FGD3: variants seen among roughly 807,000 people sequenced by gnomAD.
FGD3 encodes FYVE, RhoGEF and PH domain-containing protein 3.
FGD3 carries 45 observed loss-of-function variants against 71.8 expected under a neutral mutation model. That is an observed-to-expected ratio of 0.63 (90% CI 0.49 to 0.80). The LOEUF (loss-of-function observed/expected upper bound fraction) is 0.80, where lower values mean the gene tolerates loss of function less well. FGD3 is among the 30% of genes least tolerant of loss of function. The probability of loss-of-function intolerance (pLI) is 0.00; values close to 1 mark genes in which losing one functional copy is unlikely to be tolerated. For synonymous variants in FGD3, 378 were observed against 392.8 expected (o/e 0.96, Z 0.44); for missense variants, 844 against 951.5 (o/e 0.89, Z 1.49).
chr9:92,979,792 C>T (rs1012839390), intron 3 of FGD3, among the ~76,000 whole-genome samples: 1 of 152,110 alleles, frequency 6.6e-6, no homozygotes, highest in Non-Finnish European at 1.5e-5. Context: ...CTCATTATTG[C>T]TCTTTCAAAT....
chr9:93,008,123 G>A (rs780536410), intron 6 of FGD3, among the ~76,000 whole-genome samples: 2 of 152,158 alleles, frequency 1.3e-5, no homozygotes, highest in Non-Finnish European at 2.9e-5. Context: ...TTAACATTTT[G>A]TCTGGCTTAC....
chr9:92,995,932 T>A (rs977691870), intron 3 of FGD3, among the ~76,000 whole-genome samples: 3 of 151,998 alleles, frequency 2.0e-5, no homozygotes, highest in Non-Finnish European at 4.4e-5. Flanking sequence ...TGGTCTAAAA[T>A]TCTCTTTTTT....
intron 3 of FGD3, among the ~76,000 whole-genome samples, chr9:92,986,311 T>C (rs1860184540): frequency 6.6e-6 from 1 of 152,210 alleles, no homozygotes; most frequent in South Asian, 2.1e-4. Context: ...CCATCTCTCA[T>C]GTTCTTTAAG....
intron 3 of FGD3, among the ~76,000 whole-genome samples, chr9:92,999,967 T>G (rs1210337949): frequency 2.0e-5 from 3 of 152,204 alleles, no homozygotes; most frequent in Non-Finnish European, 2.9e-5. Flanking sequence ...GACCTACTAC[T>G]GCCATTTGGT....
rs55908030 is a variant in FGD3, at chr9:92,968,607, C to CTTTTT, written c.-217-6621_-217-6617dup. 6.3e-5 allele frequency among the ~76,000 whole-genome samples: 9 copies of CTTTTT among 143,050 alleles called. 1 individual carries two copies. Among genetic ancestry groups the CTTTTT allele is most frequent in the African/African-American group, 5.2e-5 (2 of 38,642 alleles). The allele number at this position is 143,050 out of a possible 152,430, so 93.8% of individuals were successfully genotyped here. On this transcript the variant is annotated intron_variant, in intron 1 of 17. Coordinates refer to ENST00000375482, the MANE Select transcript of FGD3 (RefSeq NM_001083536.2). ...GTTTTCTTTTCTTTTTTCTTTCTTT[C>CTTTTT]TTTTTTTTTTTTTTGACACGGAGTC...
chr9:93,008,733 G>T (rs1441502058), intron 6 of FGD3, among the ~76,000 whole-genome samples: 1 of 152,230 alleles, frequency 6.6e-6, no homozygotes. Flanking sequence ...GGAGGCCCAG[G>T]TGGGCGGATC....
In FGD3 at chr9:93,003,301, G is replaced by T. The variant is rs1456022877; in HGVS notation, c.543+287G>T. ...ATGCCACCACGCCCAGCTAATTTTT[G>T]TATTTATAGTAGAGACGGGGTTTCA... is the stretch of plus-strand genomic sequence containing the variant. On this transcript the variant is annotated intron_variant, in intron 4 of 17. Coordinates refer to ENST00000375482, the MANE Select transcript of FGD3 (RefSeq NM_001083536.2). The surrounding 1 kb of genome is among the most constrained non-coding windows in gnomAD (Gnocchi z 4.1). 6.6e-6 allele frequency among the ~76,000 whole-genome samples: 1 copy of T among 152,000 alleles called. No homozygotes were observed. Among genetic ancestry groups the T allele is most frequent in the Admixed American group, 6.6e-5 (1 of 15,246 alleles).
At chr9:93,023,719 G>A (rs139720127) in intron 14 of FGD3, among the ~76,000 whole-genome samples, 34 of 150,954 alleles carry the variant, frequency 2.3e-4, no homozygotes, top group African/African-American at 8.2e-4. Flanking sequence ...CTCTGTCCAA[G>A]TCTATGAAGC....
At position 93,028,995 on chromosome 9, in the gene FGD3, G is replaced by GTTTTTTTTTTTTTTTT. The variant is rs869235976; in HGVS notation, c.1558-852_1558-837dup. Among the ~76,000 whole-genome samples the GTTTTTTTTTTTTTTTT allele has an allele frequency of 9.7e-5, 5 of 51,716 alleles. 2 individuals are homozygous for GTTTTTTTTTTTTTTTT. Among genetic ancestry groups the GTTTTTTTTTTTTTTTT allele is most frequent in the Non-Finnish European group, 1.8e-4 (5 of 27,376 alleles). 33.9% of individuals were successfully genotyped at this position (51,716 alleles called of 152,430 possible). ...CATGGCTTCCTCACATGTCCTCACAGTTTTTTTTTTTTTTTTTTTTTTTTT... is the reference window on the plus strand; with the variant it reads ...CATGGCTTCCTCACATGTCCTCACAGTTTTTTTTTTTTTTTTTTTTTTTTTTTTTTTTTTTTTTTTT... On this transcript the variant is annotated intron_variant, in intron 14 of 17. Coordinates refer to ENST00000375482, the MANE Select transcript of FGD3 (RefSeq NM_001083536.2).
intron 3 of FGD3, among the ~76,000 whole-genome samples, chr9:92,999,211 T>A (rs538362662): frequency 6.6e-6 from 1 of 152,304 alleles, no homozygotes; most frequent in African/African-American, 2.4e-5. Context: ...GCCTTGCAGT[T>A]CAATCTCAGA....
At chr9:92,959,706 C>A (rs986175079) in intron 1 of FGD3, among the ~76,000 whole-genome samples, 653 of 79,930 alleles carry the variant, frequency 8.2e-3, no homozygotes, top group South Asian at 0.01. Context: ...AACTCAGTCT[C>A]AAAAAAAAAA....
intron 1 of FGD3, among the ~76,000 whole-genome samples, chr9:92,970,606 C>T (rs761094080): frequency 4.6e-5 from 7 of 152,206 alleles, no homozygotes; most frequent in Non-Finnish European, 1.0e-4. Context: ...ATCTGTTAGT[C>T]TCAAGCCTGC....
intron 11 of FGD3, 40 bp downstream of exon 11, chr9:93,018,255 A>G (rs1861781377): frequency 3.9e-6 from 6 of 1,549,010 alleles, no homozygotes; most frequent in Middle Eastern, 1.7e-4. Flanking sequence ...CTTTGACCTC[A>G]TGTCTTCTTT....
At chr9:93,027,899 T>G (rs538917257) in intron 14 of FGD3, among the ~76,000 whole-genome samples, 253 of 152,014 alleles carry the variant, frequency 1.7e-3, no homozygotes, top group African/African-American at 5.6e-3. Context: ...TTTGGATTTT[T>G]GTTGAGACGG....
chr9:93,009,763 G>A (rs1035194028), intron 6 of FGD3, among the ~76,000 whole-genome samples: 16 of 152,202 alleles, frequency 1.1e-4, no homozygotes, highest in African/African-American at 3.6e-4. Context: ...ATACTGGTGC[G>A]TTTATATCGA....
At chr9:93,009,553 C>G (rs538731855) in intron 6 of FGD3, among the ~76,000 whole-genome samples, 1 of 152,256 alleles carries the variant, frequency 6.6e-6, no homozygotes, top group East Asian at 1.9e-4. Flanking sequence ...GAGGCAGAGG[C>G]AAAGTGGCCT....
At position 93,034,675 on chromosome 9, in the gene FGD3, C is replaced by G; in HGVS notation, c.1920C>G (p.Gly640=). The change falls in exon 17 of 18, where the codon GGC becomes GGG. Residue 640 remains glycine (G), a synonymous_variant. Transcript: ENST00000375482. ...CCCAGGTGCTGCACCTGCAGGGAGG[C>G]AGCCAGGTACGTGTCCCCACCCCAC... ...SDPQVLHLQG[G]SQDGRLPRTI... 6.2e-7 allele frequency: 1 copy of G among 1,612,534 alleles called. No homozygotes were observed. The highest frequency in any genetic ancestry group is 1.3e-5 in the African/African-American group (1 of 74,988).
At position 92,956,834 on chromosome 9, in the gene FGD3, C is replaced by CTTTTTTTTTTTTT. The variant is rs34469364; in HGVS notation, c.-218+9108_-218+9109insTTTTTTTTTTTTT. 1.6e-5 allele frequency among the ~76,000 whole-genome samples: 2 copies of CTTTTTTTTTTTTT among 127,748 alleles called. 1 individual carries two copies. Among genetic ancestry groups the CTTTTTTTTTTTTT allele is most frequent in the African/African-American group, 6.3e-5 (2 of 31,618 alleles). The allele number at this position is 127,748 out of a possible 152,430, so 83.8% of individuals were successfully genotyped here. A position where few individuals can be genotyped will look rare whatever the true frequency, so the allele number is the denominator to read the frequency against. ...TGAGATCCATCCATATAATTGCTTT[C>CTTTTTTTTTTTTT]TTTCTTTTTTTTTTTTTTTTTGAAG... On this transcript the variant is annotated intron_variant, in intron 1 of 17. Transcript: ENST00000375482.
chr9:92,976,529 C>G lies in FGD3; in HGVS notation c.273C>G (p.Pro91=). The G allele has an allele frequency of 6.2e-7, 1 of 1,612,594 alleles. No homozygotes were observed. Among genetic ancestry groups the G allele is most frequent in the Non-Finnish European group, 8.5e-7 (1 of 1,179,820 alleles). ...CCAGTGTGGCTGGAGAGAACTTTCC[C>G]TGCGAGGAGGGCTTGGAGGCTGGCC... ...PSSSVAGENF[P]CEEGLEAGPS... The change falls in exon 3 of 18, where the codon CCC becomes CCG. Residue 91 remains proline, a synonymous_variant. Transcript: ENST00000375482.
Sources: gnomAD v4.1 joint callset for allele counts (sites outside exome capture counted in the v4.1 genomes callset) on GRCh38, gnomAD v4.1.1 for gene constraint, Gnocchi (gnomAD v3.1) non-coding constraint, MANE v1.5 for transcripts, NCBI Gene and HGNC (gene_info 2026-07-23, HGNC 2026-07-21) for gene names.